UGT1A7: variants seen among roughly 807,000 people sequenced by gnomAD.
The protein encoded by UGT1A7 is UDP-glucuronosyltransferase 1A7.
In UGT1A7, 33 loss-of-function variants were observed where a neutral mutation model predicts 45.6. That is an observed-to-expected ratio of 0.72 (90% CI 0.55 to 0.97). The LOEUF is 0.97. UGT1A7 is among the 50% of genes least tolerant of loss of function. The pLI is 0.00. For missense variants in UGT1A7, 684 were observed against 666.2 expected, an observed-to-expected ratio of 1.03 and a Z score of -0.29; for synonymous variants, 274 against 250.6, an observed-to-expected ratio of 1.09 and a Z score of -0.88.
Position 233,772,749 on chromosome 2 carries a change from G to C in UGT1A7, c.*190G>C. 7.0e-7 allele frequency: 1 copy of C among 1,420,230 alleles called. No homozygotes were observed. Among genetic ancestry groups the C allele is most frequent in the East Asian group, 2.5e-5 (1 of 40,006 alleles). 88.0% of individuals were successfully genotyped at this position (1,420,230 alleles called of 1,614,324 possible). Reference sequence around the variant, plus strand: ...GACTCGCTAGTCAGTAAAGATATTTGAATATGTATCGTGCCCCCTCTGGTG... The same window carrying C: ...GACTCGCTAGTCAGTAAAGATATTTCAATATGTATCGTGCCCCCTCTGGTG... On this transcript the variant is annotated 3_prime_UTR_variant, in exon 5 of 5. Coordinates refer to ENST00000373426, the MANE Select transcript of UGT1A7 (RefSeq NM_019077.3).
chr2:233,724,149 C>T (rs1483469829), intron 1 of UGT1A7, among the ~76,000 whole-genome samples: 2 of 117,102 alleles, frequency 1.7e-5, no homozygotes, highest in Non-Finnish European at 3.4e-5. Context: ...GGCGGCTGGC[C>T]GGGTGGGGGG....
Position 233,766,889 on chromosome 2 carries a change from C to T in UGT1A7, c.856-145C>T, listed in dbSNP as rs35858210. ...GGAGAGGAAAATGCTGTAAAACTTA[C>T]ATATTAATAATTTTTTACTCTATCT... On this transcript the variant is annotated intron_variant, in intron 1 of 4. Coordinates refer to ENST00000373426, the MANE Select transcript of UGT1A7 (RefSeq NM_019077.3). 3,026 of 1,464,588 alleles carry T rather than the reference C, an allele frequency of 2.1e-3. 24 individuals are homozygous for T. The highest frequency in any genetic ancestry group is 0.013 in the Middle Eastern group (51 of 4,042). The allele number at this position is 1,464,588 out of a possible 1,614,324, so 90.7% of individuals were successfully genotyped here.
At chr2:233,683,286 A>G (rs915377782) in intron 1 of UGT1A7, among the ~76,000 whole-genome samples, 1 of 152,098 alleles carries the variant, frequency 6.6e-6, no homozygotes, top group African/African-American at 2.4e-5. Context: ...TAAGTTAAAG[A>G]TATCTTTACA....
intron 1 of UGT1A7, among the ~76,000 whole-genome samples, chr2:233,724,591 T>C (rs2077285744): frequency 8.2e-6 from 1 of 122,228 alleles, no homozygotes; most frequent in Non-Finnish European, 1.7e-5. Context: ...TCCCCACATC[T>C]CAGACGATGG....
At chr2:233,743,738 T>C in intron 1 of UGT1A7, 1 of 1,367,388 alleles carries the variant, frequency 7.3e-7, no homozygotes, top group Non-Finnish European at 9.8e-7. Flanking sequence ...ATCGCGTTTC[T>C]TGGCGTCCGA....
chr2:233,719,178 G>T lies in UGT1A7; in HGVS notation c.855+36386G>T, dbSNP rs749190317. 40 of 1,614,238 alleles carry T rather than the reference G, an allele frequency of 2.5e-5. No homozygotes were observed. The South Asian group carries it at 4.2e-4, about 17-fold the overall frequency. ...TAGAAGTATGGCAATTATGAACAAT[G>T]TATCTTTGGCCCTTCATAGGTGTTG... is the stretch of plus-strand genomic sequence containing the variant. On this transcript the variant is annotated intron_variant, in intron 1 of 4. Transcript: ENST00000373426.
intron 1 of UGT1A7, chr2:233,747,179 G>A: frequency 3.7e-6 from 6 of 1,601,464 alleles, no homozygotes; most frequent in Non-Finnish European, 3.4e-6. Context: ...GCACAGCGTG[G>A]GGTGGACAGT....
At chr2:233,720,268 C>T (rs1303323026) in intron 1 of UGT1A7, among the ~76,000 whole-genome samples, 2 of 152,036 alleles carry the variant, frequency 1.3e-5, no homozygotes, top group East Asian at 3.9e-4. Context: ...GGGATCTGTC[C>T]TGAGAAAAGT....
At chr2:233,729,849 A>G (rs745766875) in intron 1 of UGT1A7, 35 of 1,613,614 alleles carry the variant, frequency 2.2e-5, no homozygotes, top group Non-Finnish European at 2.5e-5. Context: ...TTTTTCAGAG[A>G]GAGGTGTCAG....
chr2:233,688,290 AT>A (rs1275876598), intron 1 of UGT1A7, among the ~76,000 whole-genome samples: 2 of 151,938 alleles, frequency 1.3e-5, no homozygotes, highest in East Asian at 1.9e-4. Context: ...GATTTACCGC[AT>A]TTTTTTTATC....
chr2:233,717,210 G>A (rs145684488), intron 1 of UGT1A7, among the ~76,000 whole-genome samples: 64 of 152,210 alleles, frequency 4.2e-4, no homozygotes, highest in Non-Finnish European at 9.1e-4. Flanking sequence ...CCCTCACCCC[G>A]GGCTCATCAG....
At chr2:233,709,134 A>G (rs2076059610) in intron 1 of UGT1A7, among the ~76,000 whole-genome samples, 1 of 152,060 alleles carries the variant, frequency 6.6e-6, no homozygotes, top group Non-Finnish European at 1.5e-5. Flanking sequence ...GGCCAAGGGG[A>G]TGAGACGTGC....
rs150934066 is a variant in UGT1A7 at position 233,719,055 on chromosome 2, G to A, written c.855+36263G>A. On this transcript the variant is annotated intron_variant, in intron 1 of 4. Coordinates refer to ENST00000373426, the MANE Select transcript of UGT1A7 (RefSeq NM_019077.3). ...AGAAGAGAAATTTTTCACCCTGACA[G>A]CCTATGCTGTTCCATGGACCCAGAA... 2,523 of 1,614,284 alleles carry A rather than the reference G, an allele frequency of 1.6e-3. 2 individuals carry two copies. Among genetic ancestry groups the A allele is most frequent in the Non-Finnish European group, 1.9e-3 (2,220 of 1,180,048 alleles).
chr2:233,713,178 C>T, intron 1 of UGT1A7: 1 of 1,614,224 alleles, frequency 6.2e-7, no homozygotes, highest in Non-Finnish European at 8.5e-7. Flanking sequence ...GGTCCTCACC[C>T]TGGAGGTGAA....
At chr2:233,733,439 G>T (rs1332999216) in intron 1 of UGT1A7, among the ~76,000 whole-genome samples, 5 of 152,168 alleles carry the variant, frequency 3.3e-5, no homozygotes, top group Non-Finnish European at 7.3e-5. Context: ...GATATTGGCT[G>T]CGGGTTTGTC....
intron 1 of UGT1A7, among the ~76,000 whole-genome samples, chr2:233,698,597 G>T (rs966031058): frequency 6.6e-6 from 1 of 152,070 alleles, no homozygotes; most frequent in East Asian, 1.9e-4. Flanking sequence ...CAAGAAATTC[G>T]GATTAATAAA....
intron 1 of UGT1A7, among the ~76,000 whole-genome samples, chr2:233,736,062 G>C (rs1463600658): frequency 6.6e-6 from 1 of 152,174 alleles, no homozygotes; most frequent in South Asian, 2.1e-4. Context: ...GGCCTGCCTT[G>C]CTAGGTTTGG....
chr2:233,752,638 G>C (rs1306157736), intron 1 of UGT1A7: 1 of 152,130 alleles, frequency 6.6e-6, no homozygotes, highest in Non-Finnish European at 1.5e-5. Context: ...TGTTGTCTTA[G>C]TTACTGGGAA....
intron 1 of UGT1A7, among the ~76,000 whole-genome samples, chr2:233,727,296 G>A (rs1359558344): frequency 1.3e-5 from 2 of 152,036 alleles, no homozygotes; most frequent in Non-Finnish European, 2.9e-5. Context: ...TGATGACTTG[G>A]GCAGCTCCTT....
Sources: allele counts gnomAD v4.1 joint callset (sites outside exome capture counted in the v4.1 genomes callset), GRCh38; gene constraint gnomAD v4.1.1; transcripts MANE v1.5; gene names NCBI Gene and HGNC (gene_info 2026-07-23, HGNC 2026-07-21).